The following SETD4 variants were observed in gnomAD, a reference collection of about 807,000 sequenced individuals.
SETD4 encodes SET domain containing 4.
A neutral mutation model predicts 58.3 loss-of-function variants in SETD4; 46 were observed. The ratio of observed to expected loss-of-function variants is 0.79; its 90% CI spans 0.62 to 1.01. SETD4 has a LOEUF of 1.01. Ranked by LOEUF, SETD4 falls within the 50% of genes least tolerant of loss-of-function variation. The pLI is 0.00. For synonymous variants in SETD4, 190 were observed against 202.6 expected (o/e 0.94, Z 0.53); for missense variants, 490 against 523.3 (o/e 0.94, Z 0.62).
At chr21:36,057,225 A>C in intron 2 of SETD4, 21 bp from the exon 3 acceptor site, 1 of 1,571,688 alleles carries the variant, frequency 6.4e-7, no homozygotes, top group Non-Finnish European at 8.8e-7. Flanking sequence ...AGGAGAGAAC[A>C]AATGGTGATT....
At chr21:36,057,005 A>T in intron 3 of SETD4, 104 bp downstream of exon 3, 1 of 870,856 alleles carries the variant, frequency 1.1e-6, no homozygotes, top group Non-Finnish European at 1.9e-6. Context: ...CATGCAAACC[A>T]GCTGAAGGAC....
At chr21:36,045,489 C>G in intron 6 of SETD4, 93 bp downstream of exon 6, 1 of 1,474,190 alleles carries the variant, frequency 6.8e-7, no homozygotes. Context: ...GACACCTCTC[C>G]CTGTGGTGCC....
At chr21:36,054,356 T>C (rs1437179156) in intron 3 of SETD4, among the ~76,000 whole-genome samples, 2 of 152,208 alleles carry the variant, frequency 1.3e-5, no homozygotes, top group South Asian at 2.1e-4. Flanking sequence ...CAGACAAACA[T>C]TGAAAGGATG....
chr21:36,052,640 A>G (rs2064775464), intron 4 of SETD4, among the ~76,000 whole-genome samples: 1 of 151,942 alleles, frequency 6.6e-6, no homozygotes, highest in Non-Finnish European at 1.5e-5. Context: ...TACACATCTG[A>G]GTGCAAGTTT....
Position 36,038,161 on chromosome 21 carries a change from C to T in SETD4, c.1177G>A (p.Val393Met), listed in dbSNP as rs770029503. The change falls in exon 10 of 12, where the codon GTG becomes ATG. Residue 393 changes from valine (V) to methionine (M), a missense_variant. By Grantham distance (21) the Val-to-Met change is conservative. Coordinates refer to ENST00000332131, the MANE Select transcript of SETD4 (RefSeq NM_017438.5). Reference protein sequence around the residue: ...CYYFIEETNAVLQKVSHMKDE... With the variant: ...CYYFIEETNAMLQKVSHMKDE... ...TTCTAGAAACATACCTTTTGAAGCA[C>T]AGCATTAGTCTCTTCTATGAAATAA... The T allele has an allele frequency of 6.2e-7, 1 of 1,610,840 alleles. No individual in the cohort carries two copies. The highest frequency in any genetic ancestry group is 1.1e-5 in the South Asian group (1 of 89,998).
intron 1 of SETD4, chr21:36,059,706 A>C: frequency 1.0e-6 from 1 of 965,328 alleles, no homozygotes; most frequent in Non-Finnish European, 1.2e-6. Flanking sequence ...AATTAAAAAA[A>C]TAAAAATAAA....
intron 4 of SETD4, among the ~76,000 whole-genome samples, chr21:36,049,158 A>C (rs1568926327): frequency 6.6e-6 from 1 of 152,216 alleles, no homozygotes; most frequent in Non-Finnish European, 1.5e-5. Context: ...ATGGAAAGAA[A>C]AATTAGATGT....
intron 1 of SETD4, chr21:36,060,059 G>A (rs1172025909): frequency 8.1e-6 from 8 of 985,530 alleles, no homozygotes; most frequent in Non-Finnish European, 9.6e-6. Flanking sequence ...CCTACGGTCC[G>A]ACACACACCG....
At position 36,056,617 on chromosome 21, in the gene SETD4, GGCAT is replaced by G. The variant is rs1177122969; in HGVS notation, c.169+488_169+491del. Among the ~76,000 whole-genome samples, 12 of 152,286 alleles carry G rather than the reference GGCAT, an allele frequency of 7.9e-5. No homozygotes were observed. The South Asian group carries it at 1.5e-3, about 18-fold the overall frequency. ...TCTATCGCCCAAGCTGGAGTGCAGG[GGCAT>G]GATCATGGCTCTCTGCAGCCTCAGC... On this transcript the variant is annotated intron_variant, in intron 3 of 11. Transcript: ENST00000332131.
chr21:36,044,765 C>T (rs1184969857), intron 6 of SETD4, among the ~76,000 whole-genome samples: 3 of 152,214 alleles, frequency 2.0e-5, no homozygotes, highest in Non-Finnish European at 4.4e-5. Flanking sequence ...CAAGGCATGG[C>T]TGCTCTTCTC....
intron 2 of SETD4, 113 bp downstream of exon 2, chr21:36,058,703 G>T: frequency 3.2e-6 from 4 of 1,240,128 alleles, no homozygotes; most frequent in Non-Finnish European, 3.3e-6. Context: ...GGGTGACAGA[G>T]CGAGAATCCG....
At position 36,035,765 on chromosome 21, in the gene SETD4, C is replaced by G. The variant is rs936163793; in HGVS notation, c.*228G>C. ...GGACGCAGCTGGCTCCTGGCTGCCT[C>G]ACAGTCCGCCTCTCTCCTCACAGTT... On this transcript the variant is annotated 3_prime_UTR_variant, in exon 12 of 12. Transcript: ENST00000332131. 2 of 275,266 alleles carry G rather than the reference C, an allele frequency of 7.3e-6. No homozygotes were observed. Among genetic ancestry groups the G allele is most frequent in the South Asian group, 7.7e-5 (2 of 26,028 alleles). 17.1% of individuals were successfully genotyped at this position (275,266 alleles called of 1,614,324 possible).
chr21:36,053,722 A>T, intron 3 of SETD4, 102 bp from the exon 4 acceptor site: 1 of 1,153,990 alleles, frequency 8.7e-7, no homozygotes, highest in Non-Finnish European at 1.3e-6. Context: ...AAATTACACA[A>T]GGCTGAAGCT....
intron 2 of SETD4, among the ~76,000 whole-genome samples, chr21:36,058,398 G>A (rs975105058): frequency 3.9e-5 from 6 of 152,036 alleles, no homozygotes; most frequent in African/African-American, 1.2e-4. Context: ...GTACTTGGGA[G>A]GCTGAGGCAG....
At chr21:36,037,628 GAAAA>G (rs1003808673) in intron 10 of SETD4, among the ~76,000 whole-genome samples, 5 of 147,270 alleles carry the variant, frequency 3.4e-5, no homozygotes, top group African/African-American at 1.2e-4. Flanking sequence ...AAATAGAAAA[GAAAA>G]AGAAAAAATA....
Position 36,048,364 on chromosome 21 carries a change from A to G in SETD4, c.240T>C (p.Ser80=), listed in dbSNP as rs572155737. The G allele has an allele frequency of 1.9e-5, 30 of 1,614,014 alleles. No individual in the cohort carries two copies. In the African/African-American group the frequency reaches 3.6e-4, roughly 19 times the overall value. The change falls in exon 5 of 12, where the codon AGT becomes AGC. Residue 80 remains serine, a synonymous_variant. Coordinates refer to ENST00000332131, the MANE Select transcript of SETD4 (RefSeq NM_017438.5). ...EGQMIISLPE[S]CLLTTDTVIR... ...TCACTGTGTCCGTGGTGAGCAGGCA[A>G]CTCTCAGGCAACGAAATAATCATCT...
chr21:36,047,681 T>A (rs1005811867), intron 5 of SETD4, among the ~76,000 whole-genome samples: 1 of 151,622 alleles, frequency 6.6e-6, no homozygotes, highest in Admixed American at 6.6e-5. Flanking sequence ...AGAAATGCCA[T>A]TTACAGTGAA....
chr21:36,052,125 G>C (rs1274635077), intron 4 of SETD4, among the ~76,000 whole-genome samples: 2 of 152,102 alleles, frequency 1.3e-5, no homozygotes, highest in Admixed American at 6.5e-5. Context: ...TCTTGTGTTT[G>C]TGATTTTCAC....
chr21:36,051,216 G>T, intron 4 of SETD4: 1 of 1,606,212 alleles, frequency 6.2e-7, no homozygotes, highest in South Asian at 1.1e-5. Context: ...GCTGGAGCTG[G>T]GTCCCCCAGC....
Sources: allele counts gnomAD v4.1 joint callset (sites outside exome capture counted in the v4.1 genomes callset), GRCh38; gene constraint gnomAD v4.1.1; transcripts MANE v1.5; gene names NCBI Gene and HGNC (gene_info 2026-07-23, HGNC 2026-07-21).